The following PDE6A variants were observed in gnomAD, a reference collection of about 807,000 sequenced individuals.
PDE6A encodes phosphodiesterase 6A, also known as rod cGMP-specific 3',5'-cyclic phosphodiesterase subunit alpha.
Under a neutral mutation model 106.3 loss-of-function variants are expected in PDE6A, and 84 were observed. That is an observed-to-expected ratio of 0.79 (90% CI 0.66 to 0.95). The LOEUF is 0.95. Among genes scored for constraint, PDE6A ranks in the 40% least tolerant of loss-of-function variants. The pLI is 0.00. For synonymous variants in PDE6A, 394 were observed against 386.6 expected (o/e 1.02, Z -0.23); for missense variants, 1,052 against 1,084.9 (o/e 0.97, Z 0.43).
rs199748187 is a variant in PDE6A, at chr5:149,884,552, G to A, written c.1954C>T (p.Arg652Cys). 293 of 1,613,722 alleles carry A rather than the reference G, an allele frequency of 1.8e-4. 1 individual carries two copies. In the East Asian group the frequency reaches 6.1e-3, roughly 34 times the overall value. Reference sequence around the variant, plus strand: ...TGGATGGCATGCTCATGCTGTCGACGATTGAGGTTTTGAAAGATATTCAGG... The same window carrying A: ...TGGATGGCATGCTCATGCTGTCGACAATTGAGGTTTTGAAAGATATTCAGG... ...ESLNIFQNLN[R>C]RQHEHAIHMM... The change falls in exon 16 of 22, where the codon CGT (arginine) becomes TGT (cysteine). Residue 652 changes from arginine (R) to cysteine (C), a missense_variant. Arg to Cys is a radical substitution (Grantham distance 180, BLOSUM62 -3). Around this residue, in one of 3 missense-constraint regions of PDE6A, gnomAD observed 913 missense variants for 915.2 expected, o/e 1.00. Transcript: ENST00000255266.
intron 5 of PDE6A, 51 bp downstream of exon 5, chr5:149,921,584 C>T: frequency 1.4e-6 from 2 of 1,427,350 alleles, no homozygotes; most frequent in Non-Finnish European, 2.0e-6. Context: ...GTTTACTGTG[C>T]CTTGCATTTG....
chr5:149,872,374 G>A (rs144207022), intron 17 of PDE6A, among the ~76,000 whole-genome samples: 109 of 152,314 alleles, frequency 7.2e-4, no homozygotes, highest in African/African-American at 2.5e-3. Context: ...CACATAAGAT[G>A]CTTTTGTAAA....
At chr5:149,924,288 G>C (rs1340255797) in intron 4 of PDE6A, among the ~76,000 whole-genome samples, 1 of 152,170 alleles carries the variant, frequency 6.6e-6, no homozygotes, top group African/African-American at 2.4e-5. Flanking sequence ...AAATATATTG[G>C]CCTGACACCT....
chr5:149,885,659 G>C (rs899727928), intron 14 of PDE6A, among the ~76,000 whole-genome samples: 1 of 152,178 alleles, frequency 6.6e-6, no homozygotes, highest in Non-Finnish European at 1.5e-5. Flanking sequence ...GACAAGGAAG[G>C]AGACAAGTAC....
In PDE6A at chr5:149,905,601, A is replaced by C. The variant is rs372840975; in HGVS notation, c.1065+1711T>G. ...AAGCCCTGCCAGCTTCACCCTCTCA[A>C]TATTGGACCTGACCCATTATCCCCT... is the stretch of plus-strand genomic sequence containing the variant. On this transcript the variant is annotated intron_variant, in intron 7 of 21. Coordinates refer to ENST00000255266, the MANE Select transcript of PDE6A (RefSeq NM_000440.3). Among the ~76,000 whole-genome samples, 24 of 152,180 alleles carry C rather than the reference A, an allele frequency of 1.6e-4. No homozygotes were observed. The South Asian group carries it at 2.1e-3, about 13-fold the overall frequency.
chr5:149,902,575 C>T (rs929118761), intron 8 of PDE6A, among the ~76,000 whole-genome samples: 1 of 151,484 alleles, frequency 6.6e-6, no homozygotes, highest in African/African-American at 2.4e-5. Flanking sequence ...AATCCCAGCA[C>T]TTTGGGAGGC....
At chr5:149,904,084 T>C (rs547346959) in intron 7 of PDE6A, among the ~76,000 whole-genome samples, 1 of 152,264 alleles carries the variant, frequency 6.6e-6, no homozygotes, top group African/African-American at 2.4e-5. Context: ...CTGTCTCTAC[T>C]AAAAATACAG....
At chr5:149,861,976 T>C (rs1181639638) in intron 21 of PDE6A, among the ~76,000 whole-genome samples, 2 of 151,936 alleles carry the variant, frequency 1.3e-5, no homozygotes, top group Non-Finnish European at 2.9e-5. Context: ...CTCCCCGGAG[T>C]TGTGCAAAGC....
chr5:149,913,231 A>T (rs152947), intron 6 of PDE6A, among the ~76,000 whole-genome samples: 82,382 of 151,422 alleles, frequency 0.54, 23,739 homozygotes, highest in Non-Finnish European at 0.64. Context: ...AAAATACACA[A>T]ATTAGCTGGG....
intron 18 of PDE6A, 24 bp downstream of exon 18, chr5:149,868,071 T>C (rs762041831): frequency 6.2e-7 from 1 of 1,611,274 alleles, no homozygotes; most frequent in Non-Finnish European, 8.5e-7. Context: ...ATGCCCCTCC[T>C]CTTGGGTCAG....
chr5:149,874,740 A>G (rs1437380462), intron 17 of PDE6A, among the ~76,000 whole-genome samples: 2 of 152,162 alleles, frequency 1.3e-5, no homozygotes, highest in South Asian at 4.1e-4. Context: ...TCCTGCCAAG[A>G]GTCATCCCAT....
intron 21 of PDE6A, among the ~76,000 whole-genome samples, chr5:149,862,117 G>A (rs944667710): frequency 1.7e-4 from 26 of 152,168 alleles, no homozygotes; most frequent in African/African-American, 5.8e-4. Context: ...AGGGATGGGT[G>A]TGCAAAGGAG....
At chr5:149,896,803 A>G in intron 10 of PDE6A, 27 bp from the exon 11 acceptor site, 2 of 1,613,442 alleles carry the variant, frequency 1.2e-6, no homozygotes, top group Non-Finnish European at 1.7e-6. Context: ...TGGCAGGGGA[A>G]AAAAAATAGG....
intron 1 of PDE6A, among the ~76,000 whole-genome samples, chr5:149,938,773 A>AT (rs1161335648): frequency 2.0e-5 from 3 of 151,528 alleles, no homozygotes; most frequent in East Asian, 3.9e-4. Context: ...GGCATCTTAT[A>AT]TTTTTTCTGG....
chr5:149,870,850 G>GA (rs1561684196), intron 17 of PDE6A, among the ~76,000 whole-genome samples: 3 of 117,748 alleles, frequency 2.5e-5, no homozygotes, highest in Non-Finnish European at 5.4e-5. Context: ...GAAAAAAGAA[G>GA]AAGAAAGAAA....
chr5:149,884,409 T>C, intron 16 of PDE6A, 70 bp downstream of exon 16: 1 of 898,736 alleles, frequency 1.1e-6, no homozygotes, highest in Non-Finnish European at 1.9e-6. Flanking sequence ...TATATATATG[T>C]GTGTATATAT....
At chr5:149,918,329 T>TGCTGAAGGGAAA (rs1482452912) in intron 5 of PDE6A, among the ~76,000 whole-genome samples, 1 of 152,092 alleles carries the variant, frequency 6.6e-6, no homozygotes, top group East Asian at 1.9e-4. Flanking sequence ...AAGGGAAAGG[T>TGCTGAAGGGAAA]GACAAAATAT....
At chr5:149,866,468 G>A (rs551241958) in intron 19 of PDE6A, 23 of 531,070 alleles carry the variant, frequency 4.3e-5, no homozygotes, top group Non-Finnish European at 4.4e-5. Flanking sequence ...CAAAAAAAAA[G>A]ACACACTGTC....
intron 17 of PDE6A, among the ~76,000 whole-genome samples, chr5:149,871,707 C>CT (rs1760563039): frequency 6.6e-6 from 1 of 152,052 alleles, no homozygotes; most frequent in African/African-American, 2.4e-5. Context: ...TTTCATGCTA[C>CT]GAGCAACAGG....
Sources: gnomAD v4.1 joint callset for allele counts (sites outside exome capture counted in the v4.1 genomes callset) on GRCh38, gnomAD v4.1.1 for gene constraint, gnomAD v4.1.1 regional missense constraint, MANE v1.5 for transcripts, NCBI Gene and HGNC (gene_info 2026-07-23, HGNC 2026-07-21) for gene names.